GLI3: variants seen among roughly 807,000 people sequenced by gnomAD.
The protein encoded by GLI3 is transcription activator GLI3.
Under a neutral mutation model 100.8 loss-of-function variants are expected in GLI3, and 20 were observed. The ratio of observed to expected loss-of-function variants is 0.20; its 90% CI spans 0.14 to 0.29. GLI3 has a LOEUF of 0.29. Among genes scored for constraint, GLI3 ranks in the 10% least tolerant of loss-of-function variants. The pLI is 1.00. For synonymous variants in GLI3, 938 were observed against 860.5 expected, an observed-to-expected ratio of 1.09 and a Z score of -1.58; for missense variants, 2,040 against 2,128.5, an observed-to-expected ratio of 0.96 and a Z score of 0.82.
intron 4 of GLI3, among the ~76,000 whole-genome samples, chr7:42,070,544 C>G (rs1784764595): frequency 6.6e-6 from 1 of 152,190 alleles, no homozygotes; most frequent in African/African-American, 2.4e-5. Context: ...AGTAACTTCT[C>G]TATGTCAAGG....
chr7:41,963,631 C>T lies in GLI3; in HGVS notation c.*699G>A, dbSNP rs1299204256. The T allele has an allele frequency of 2.6e-5, 4 of 152,436 alleles. No homozygotes were observed. The highest frequency in any genetic ancestry group is 5.9e-5 in the Non-Finnish European group (4 of 68,252). 9.4% of individuals were successfully genotyped at this position (152,436 alleles called of 1,614,324 possible). A position where few individuals can be genotyped will look rare whatever the true frequency, so the allele number is the denominator to read the frequency against. On this transcript the variant is annotated 3_prime_UTR_variant, in exon 15 of 15. Coordinates refer to ENST00000395925, the MANE Select transcript of GLI3 (RefSeq NM_000168.6). ...GCCTCCCCCAAAGCACACTTACAGA[C>T]ATGAAGAGCTGAAAACCAAAACTGT... is the stretch of plus-strand genomic sequence containing the variant.
intron 2 of GLI3, among the ~76,000 whole-genome samples, chr7:42,211,154 G>T (rs1196869639): frequency 2.6e-5 from 4 of 151,984 alleles, no homozygotes; most frequent in Non-Finnish European, 4.4e-5. Flanking sequence ...ATGTGAAAAA[G>T]TTTCCCATTA....
chr7:41,999,607 G>A (rs1788228638), intron 10 of GLI3, among the ~76,000 whole-genome samples: 1 of 152,128 alleles, frequency 6.6e-6, no homozygotes, highest in African/African-American at 2.4e-5. Flanking sequence ...CTGTGGTGAA[G>A]GACCATTCTG....
chr7:42,236,467 G>C (rs906907897), intron 1 of GLI3, among the ~76,000 whole-genome samples: 2 of 152,078 alleles, frequency 1.3e-5, no homozygotes, highest in East Asian at 2.0e-4. Context: ...AGCATAGCCC[G>C]GGCTGGAGAA....
intron 2 of GLI3, among the ~76,000 whole-genome samples, chr7:42,155,466 A>C (rs1230318703): frequency 6.6e-6 from 1 of 152,046 alleles, no homozygotes; most frequent in Admixed American, 6.6e-5. Flanking sequence ...AAGAAAAAGA[A>C]AATGCCCTCC....
intron 10 of GLI3, among the ~76,000 whole-genome samples, chr7:42,017,980 C>T (rs1788816847): frequency 6.6e-6 from 1 of 152,048 alleles, no homozygotes; most frequent in African/African-American, 2.4e-5. Context: ...GAGAAAATAA[C>T]GTTCTAAGGG....
chr7:42,013,312 G>A (rs1388209310), intron 10 of GLI3, among the ~76,000 whole-genome samples: 2 of 152,118 alleles, frequency 1.3e-5, no homozygotes, highest in African/African-American at 4.8e-5. Flanking sequence ...AAGAAAAGTG[G>A]CCACTGTAGA....
intron 2 of GLI3, among the ~76,000 whole-genome samples, chr7:42,218,176 C>T (rs1234243636): frequency 1.3e-5 from 2 of 151,938 alleles, no homozygotes; most frequent in Non-Finnish European, 2.9e-5. Flanking sequence ...TGGGATGTGG[C>T]AAAGAAAAAG....
intron 10 of GLI3, among the ~76,000 whole-genome samples, chr7:42,005,795 T>G (rs555240234): frequency 8.5e-5 from 13 of 152,292 alleles, no homozygotes; most frequent in Admixed American, 2.6e-4. Flanking sequence ...TTTGTTCCTC[T>G]CGAGTTCTAA....
intron 7 of GLI3, among the ~76,000 whole-genome samples, chr7:42,033,924 G>A (rs1029310319): frequency 2.6e-5 from 4 of 152,178 alleles, no homozygotes; most frequent in African/African-American, 9.7e-5. Context: ...ATGCTCTTAA[G>A]TATCTCAACA....
chr7:41,982,192 G>C (rs570628443), intron 10 of GLI3, among the ~76,000 whole-genome samples: 4 of 152,168 alleles, frequency 2.6e-5, no homozygotes, highest in Non-Finnish European at 5.9e-5. Flanking sequence ...TCTACACCTA[G>C]GAGGCTGGGG....
intron 3 of GLI3, chr7:42,113,581 A>G: frequency 9.6e-7 from 1 of 1,045,612 alleles, no homozygotes; most frequent in Non-Finnish European, 1.5e-6. Context: ...TTGCCAAAAA[A>G]GACCAGGCCC....
At chr7:42,221,056 G>A (rs1788476287) in intron 2 of GLI3, among the ~76,000 whole-genome samples, 1 of 152,194 alleles carries the variant, frequency 6.6e-6, no homozygotes, top group Non-Finnish European at 1.5e-5. Flanking sequence ...GAGTGTGGTT[G>A]AGGAAACAGG....
chr7:42,025,162 G>T, intron 9 of GLI3, 102 bp downstream of exon 9: 1 of 768,554 alleles, frequency 1.3e-6, no homozygotes, highest in Non-Finnish European at 2.3e-6. Context: ...ACAAGGAACT[G>T]CCGTGAAAAA....
chr7:42,017,793 C>T (rs796510663), intron 10 of GLI3, among the ~76,000 whole-genome samples: 4 of 152,228 alleles, frequency 2.6e-5, no homozygotes, highest in South Asian at 2.1e-4. Context: ...ACAGTGCCAC[C>T]GCATTCTCCT....
chr7:42,057,389 G>A (rs187056447), intron 4 of GLI3, among the ~76,000 whole-genome samples: 18 of 152,296 alleles, frequency 1.2e-4, no homozygotes, highest in Admixed American at 7.2e-4. Context: ...CAATATGAGC[G>A]CAAGCTAGAA....
intron 2 of GLI3, among the ~76,000 whole-genome samples, chr7:42,222,476 T>C (rs7806204): frequency 6.6e-6 from 1 of 152,188 alleles, no homozygotes; most frequent in Non-Finnish European, 1.5e-5. Flanking sequence ...GTACCAGGGA[T>C]GCTCTGGAAT....
intron 1 of GLI3, among the ~76,000 whole-genome samples, chr7:42,252,079 A>T (rs535740965): frequency 3.4e-4 from 52 of 152,348 alleles, no homozygotes; most frequent in Middle Eastern, 3.4e-3. Context: ...AATAGCAAAG[A>T]TATGGAATCA....
At chr7:42,044,878 C>A (rs771372545) in intron 6 of GLI3, among the ~76,000 whole-genome samples, 1 of 152,040 alleles carries the variant, frequency 6.6e-6, no homozygotes, top group Admixed American at 6.6e-5. Flanking sequence ...AAGACAATCA[C>A]GACAGGAAAA....
Sources: allele counts gnomAD v4.1 joint callset (sites outside exome capture counted in the v4.1 genomes callset), GRCh38; gene constraint gnomAD v4.1.1; transcripts MANE v1.5; gene names NCBI Gene and HGNC (gene_info 2026-07-23, HGNC 2026-07-21).